BEND3: variants seen among roughly 807,000 people sequenced by gnomAD.
BEND3 encodes the protein BEN domain containing 3.
In BEND3, 13 loss-of-function variants were observed where a neutral mutation model predicts 60.1. The ratio of observed to expected loss-of-function variants is 0.22; its 90% CI spans 0.14 to 0.34. The LOEUF is 0.34. BEND3 is among the 10% of genes least tolerant of loss of function. The pLI, the probability that BEND3 is intolerant of heterozygous loss-of-function variation, is 1.00. For missense variants in BEND3, 896 were observed against 1,138.1 expected (o/e 0.79, Z 3.06); for synonymous variants, 497 against 491.5 (o/e 1.01, Z -0.15).
rs1310894600 is a variant in BEND3 at position 107,069,732 on chromosome 6, C to T, written c.1459G>A (p.Ala487Thr). The T allele has an allele frequency of 3.7e-6, 6 of 1,611,604 alleles. No homozygotes were observed. The highest frequency in any genetic ancestry group is 1.7e-5 in the Admixed American group (1 of 60,024). The change falls in exon 4 of 4, where the codon GCG (alanine) becomes ACG (threonine). Residue 487 changes from alanine to threonine, a missense_variant. By Grantham distance (58) the Ala-to-Thr change is moderately conservative (BLOSUM62 0). Around this residue, in one of 4 missense-constraint regions of BEND3, gnomAD observed 846 missense variants for 1,036.7 expected, o/e 0.82. Coordinates refer to ENST00000369042, the MANE Select transcript of BEND3 (RefSeq NM_001367314.1). The stretch of plus-strand genomic sequence containing the variant: ...CGCGGGGGGTCGCCTTCACTGCCCG[C>T]GTCCAGCCCCAGGCCCTCGAGCTCG... ...NDELEGLGLD[A>T]GSEGDPPRDD... is the part of the protein sequence containing the mutation.
chr6:107,078,860 G>A (rs1195722252), intron 3 of BEND3, among the ~76,000 whole-genome samples: 1 of 151,850 alleles, frequency 6.6e-6, no homozygotes, highest in Non-Finnish European at 1.5e-5. Flanking sequence ...GTAGAGAAGG[G>A]CGGGTCCCTG....
intron 1 of BEND3, among the ~76,000 whole-genome samples, chr6:107,101,530 G>C (rs948330703): frequency 6.6e-6 from 1 of 152,126 alleles, no homozygotes; most frequent in Non-Finnish European, 1.5e-5. Flanking sequence ...AAACCAAAAT[G>C]AGATTTGAAA....
At chr6:107,096,722 C>T (rs1554235995) in intron 3 of BEND3, among the ~76,000 whole-genome samples, 1 of 152,216 alleles carries the variant, frequency 6.6e-6, no homozygotes, top group Non-Finnish European at 1.5e-5. Context: ...GAATGAGGAG[C>T]TACTGCTAAT....
chr6:107,070,284 G>T lies in BEND3; in HGVS notation c.907C>A (p.His303Asn). The T allele has an allele frequency of 1.2e-6, 2 of 1,613,044 alleles. No individual in the cohort carries two copies. Among genetic ancestry groups the T allele is most frequent in the Non-Finnish European group, 1.7e-6 (2 of 1,180,014 alleles). The change falls in exon 4 of 4, where the codon CAC becomes AAC. Residue 303 changes from histidine to asparagine, a missense_variant. By Grantham distance (68) the His-to-Asn change is moderately conservative. Around this residue, in one of 4 missense-constraint regions of BEND3, gnomAD observed 846 missense variants for 1,036.7 expected, o/e 0.82. Coordinates refer to ENST00000369042, the MANE Select transcript of BEND3 (RefSeq NM_001367314.1). This position sits in a 1 kb window ranked among gnomAD's most constrained non-coding sequence, Gnocchi z 6.9. The stretch of plus-strand genomic sequence containing the variant: ...ACATAGTTGCGGATGAGCTGCAGGT[G>T]CAGCGACTCCAGCTTGCGCTTGGCC... ...FAAKRKLESL[H>N]LQLIRNYVEV... is the part of the protein sequence containing the mutation.
intron 3 of BEND3, among the ~76,000 whole-genome samples, chr6:107,075,510 T>G (rs1554232666): frequency 1.3e-5 from 2 of 152,184 alleles, no homozygotes; most frequent in South Asian, 4.1e-4. Flanking sequence ...TTTTGGCAAT[T>G]TATTCACCAT....
intron 3 of BEND3, among the ~76,000 whole-genome samples, chr6:107,096,297 C>T (rs1384668239): frequency 6.6e-6 from 1 of 152,156 alleles, no homozygotes; most frequent in African/African-American, 2.4e-5. Context: ...GGCCATAGAA[C>T]ATATGATTAC....
At chr6:107,098,497 G>A in intron 3 of BEND3, 54 bp downstream of exon 3, 1 of 1,566,246 alleles carries the variant, frequency 6.4e-7, no homozygotes. Context: ...GATTCAGCAT[G>A]GAATCAGAGA....
chr6:107,081,799 A>G (rs1001298588), intron 3 of BEND3, among the ~76,000 whole-genome samples: 1 of 152,130 alleles, frequency 6.6e-6, no homozygotes, highest in African/African-American at 2.4e-5. Context: ...AAAATAAATA[A>G]AGGAGAATAT....
intron 1 of BEND3, 38 bp from the exon 2 acceptor site, chr6:107,099,334 CTTGAT>C (rs1434350833): frequency 4.5e-6 from 7 of 1,555,442 alleles, no homozygotes; most frequent in Non-Finnish European, 4.4e-6. Flanking sequence ...TGACTTATTG[CTTGAT>C]TTATTTCTTA....
At chr6:107,092,021 CAGA>C (rs1456858089) in intron 3 of BEND3, among the ~76,000 whole-genome samples, 2 of 152,110 alleles carry the variant, frequency 1.3e-5, no homozygotes, top group Non-Finnish European at 2.9e-5. Context: ...CTTTGGGAGG[CAGA>C]GGTGGGCGGA....
At chr6:107,081,754 G>A (rs151199885) in intron 3 of BEND3, among the ~76,000 whole-genome samples, 11 of 151,504 alleles carry the variant, frequency 7.3e-5, no homozygotes, top group East Asian at 3.9e-4. Flanking sequence ...ACTTACTCCC[G>A]GGAGACAGAG....
chr6:107,096,436 AC>A (rs1377297495), intron 3 of BEND3, among the ~76,000 whole-genome samples: 1 of 152,066 alleles, frequency 6.6e-6, no homozygotes, highest in Admixed American at 6.6e-5. Flanking sequence ...ACATAGTGAA[AC>A]CCTGTCTCTA....
At chr6:107,073,209 A>G (rs1436982498) in intron 3 of BEND3, among the ~76,000 whole-genome samples, 23 of 2,578 alleles carry the variant, frequency 8.9e-3, no homozygotes, top group Non-Finnish European at 0.011. Flanking sequence ...ATGTATATAT[A>G]TATATATATA....
chr6:107,106,940 T>C (rs1192123640), intron 1 of BEND3, among the ~76,000 whole-genome samples: 1 of 148,054 alleles, frequency 6.8e-6, no homozygotes, highest in East Asian at 2.0e-4. Context: ...AGAGGGCTTT[T>C]TTTTTTTTTT....
rs1554231494 is a variant in BEND3, at chr6:107,069,505, G to A, written c.1686C>T (p.Ser562=). 1.9e-6 allele frequency: 3 copies of A among 1,612,990 alleles called. No individual in the cohort carries two copies. Among genetic ancestry groups the A allele is most frequent in the Non-Finnish European group, 2.5e-6 (3 of 1,180,040 alleles). The change falls in exon 4 of 4, where the codon AGC becomes AGT. Residue 562 remains serine (S), a synonymous_variant. Coordinates refer to ENST00000369042, the MANE Select transcript of BEND3 (RefSeq NM_001367314.1). ...DCLLSKEQLR[S]IYESSLSIGN... ...CGATGGACAGGCTGCTCTCGTAGAT[G>A]CTGCGTAGCTGCTCCTTGCTGAGCA...
rs55745315 is a variant in BEND3, at chr6:107,109,442, C to CAAAAAAAA, written c.-12+5640_-12+5647dup. ...TGGGTGACAGAGCAAGACTCTGTCT[C>CAAAAAAAA]AAAAAAAAAAAAAAAATCGAGGTGG... On this transcript the variant is annotated intron_variant, in intron 1 of 3. Coordinates refer to ENST00000369042, the MANE Select transcript of BEND3 (RefSeq NM_001367314.1). Among the ~76,000 whole-genome samples, 22 of 48,676 alleles carry CAAAAAAAA rather than the reference C, an allele frequency of 4.5e-4. 11 individuals carry two copies. Among genetic ancestry groups the CAAAAAAAA allele is most frequent in the Admixed American group, 7.2e-4 (2 of 2,778 alleles). 31.9% of individuals were successfully genotyped at this position (48,676 alleles called of 152,430 possible). A position where few individuals can be genotyped will look rare whatever the true frequency, so the allele number is the denominator to read the frequency against.
Position 107,088,803 on chromosome 6 carries a change from T to C in BEND3, c.240+9748A>G, listed in dbSNP as rs372885518. Among the ~76,000 whole-genome samples the C allele has an allele frequency of 1.4e-4, 21 of 152,270 alleles. 2 individuals carry two copies. Among genetic ancestry groups the C allele is most frequent in the African/African-American group, 5.1e-4 (21 of 41,542 alleles). On this transcript the variant is annotated intron_variant, in intron 3 of 3. Coordinates refer to ENST00000369042, the MANE Select transcript of BEND3 (RefSeq NM_001367314.1). ...TGAAAAATAAATCAAGAAAGTAATA[T>C]AATTTACGATAGCTACAAATAAAAA...
At chr6:107,103,959 AAAAGAAAGAAAGAAAG>A (rs377110388) in intron 1 of BEND3, among the ~76,000 whole-genome samples, 4 of 107,838 alleles carry the variant, frequency 3.7e-5, no homozygotes, top group Admixed American at 2.2e-4. Context: ...AAAAAAAAAA[AAAAGAAAGAAAGAAAG>A]AAAGAAAGAA....
chr6:107,102,729 G>A (rs1775726956), intron 1 of BEND3, among the ~76,000 whole-genome samples: 5 of 152,178 alleles, frequency 3.3e-5, no homozygotes, highest in Admixed American at 2.6e-4. Context: ...GAAACCTCGC[G>A]CCTGCCCCTG....
Sources: allele counts gnomAD v4.1 joint callset (sites outside exome capture counted in the v4.1 genomes callset), GRCh38; gene constraint gnomAD v4.1.1; regional missense constraint gnomAD v4.1.1; non-coding constraint Gnocchi (gnomAD v3.1); transcripts MANE v1.5; gene names NCBI Gene and HGNC (gene_info 2026-07-23, HGNC 2026-07-21).